The following CPA6 variants were observed in gnomAD, a reference collection of about 807,000 sequenced individuals.
The protein encoded by CPA6 is carboxypeptidase B.
A neutral mutation model predicts 63.3 loss-of-function variants in CPA6; 58 were observed. That is an observed-to-expected ratio of 0.92 (90% CI 0.74 to 1.14). The LOEUF (loss-of-function observed/expected upper bound fraction) is 1.14, where lower values mean the gene tolerates loss of function less well. Among genes scored for constraint, CPA6 ranks in the 50% most tolerant of loss-of-function variants. CPA6 has a pLI of 0.00. For synonymous variants in CPA6, 185 were observed against 179.0 expected (o/e 1.03, Z -0.27); for missense variants, 565 against 526.6 (o/e 1.07, Z -0.71).
Position 67,581,786 on chromosome 8 carries a change from G to T in CPA6, c.192+42390C>A, listed in dbSNP as rs558251789. ...AATGGTCAAAATATTATGCTTTGTT[G>T]TTTGGACATGTGAAGTACAGGAATA... On this transcript the variant is annotated intron_variant, in intron 2 of 10. Transcript: ENST00000297770. Among the ~76,000 whole-genome samples, 6 of 152,264 alleles carry T rather than the reference G, an allele frequency of 3.9e-5. No individual in the cohort carries two copies. The South Asian group carries it at 1.2e-3, about 32-fold the overall frequency.
chr8:67,444,095 C>T (rs942078806), intron 8 of CPA6, among the ~76,000 whole-genome samples: 1 of 151,754 alleles, frequency 6.6e-6, no homozygotes, highest in African/African-American at 2.4e-5. Flanking sequence ...GGGTTCACGC[C>T]ATTCTCCTGC....
At chr8:67,461,868 T>C (rs1160448439) in intron 8 of CPA6, among the ~76,000 whole-genome samples, 1 of 152,158 alleles carries the variant, frequency 6.6e-6, no homozygotes, top group Non-Finnish European at 1.5e-5. Flanking sequence ...TATGGGCCCA[T>C]GAGGCCTCTT....
intron 1 of CPA6, among the ~76,000 whole-genome samples, chr8:67,688,994 T>TATTATTATTATTA (rs201709532): frequency 6.6e-5 from 10 of 151,882 alleles, no homozygotes; most frequent in African/African-American, 2.4e-4. Flanking sequence ...TTATTATTAT[T>TATTATTATTATTA]TTTTAGATGG....
chr8:67,730,317 T>C (rs1472212593), intron 1 of CPA6, among the ~76,000 whole-genome samples: 4 of 152,120 alleles, frequency 2.6e-5, no homozygotes, highest in Admixed American at 6.5e-5. Context: ...AAGATACAGA[T>C]ACAGAGCCAG....
chr8:67,662,601 C>T (rs1816142235), intron 1 of CPA6, among the ~76,000 whole-genome samples: 1 of 147,748 alleles, frequency 6.8e-6, no homozygotes, highest in Non-Finnish European at 1.5e-5. Flanking sequence ...ATATAGAATA[C>T]ATACACACGT....
chr8:67,704,598 T>A (rs921828820), intron 1 of CPA6, among the ~76,000 whole-genome samples: 2 of 152,166 alleles, frequency 1.3e-5, no homozygotes, highest in African/African-American at 4.8e-5. Flanking sequence ...GGGTACCTGG[T>A]AAGACTGGTT....
chr8:67,541,402 T>A (rs1282588380), intron 2 of CPA6, among the ~76,000 whole-genome samples: 2 of 152,102 alleles, frequency 1.3e-5, no homozygotes, highest in Non-Finnish European at 2.9e-5. Context: ...CTGGGCCTGG[T>A]AGTTAAAGAT....
chr8:67,746,136 A>T lies in CPA6; in HGVS notation c.-7T>A. 1 of 1,606,626 alleles carries T rather than the reference A, an allele frequency of 6.2e-7. No individual in the cohort carries two copies. The highest frequency in any genetic ancestry group is 8.5e-7 in the Non-Finnish European group (1 of 1,174,760). ...GCTTCCCGAGACACTTCATAGTGTT[A>T]AGAAGAGAGGAGTTGAAAGTTACTT... On this transcript the variant is annotated 5_prime_UTR_variant, in exon 1 of 11. Coordinates refer to ENST00000297770, the MANE Select transcript of CPA6 (RefSeq NM_020361.5).
At chr8:67,431,228 G>C (rs1404915516) in intron 9 of CPA6, among the ~76,000 whole-genome samples, 1 of 151,764 alleles carries the variant, frequency 6.6e-6, no homozygotes, top group African/African-American at 2.4e-5. Flanking sequence ...AAAATACGAA[G>C]AACATTCTCA....
At chr8:67,442,583 G>T (rs1002576276) in intron 8 of CPA6, among the ~76,000 whole-genome samples, 1 of 152,146 alleles carries the variant, frequency 6.6e-6, no homozygotes, top group Non-Finnish European at 1.5e-5. Context: ...TGGTAGTAAG[G>T]TTCAACATAA....
intron 2 of CPA6, among the ~76,000 whole-genome samples, chr8:67,614,926 T>C (rs1814906328): frequency 6.6e-6 from 1 of 152,140 alleles, no homozygotes; most frequent in Non-Finnish European, 1.5e-5. Context: ...TCTCCAGGGG[T>C]CTTACTTTTA....
intron 2 of CPA6, among the ~76,000 whole-genome samples, chr8:67,611,359 C>T (rs408802): frequency 0.56 from 85,276 of 152,082 alleles, 26,310 homozygotes; most frequent in African/African-American, 0.83. Flanking sequence ...GCTGGGATTA[C>T]AGGTGTGAGG....
chr8:67,733,757 G>T (rs77740402), intron 1 of CPA6, among the ~76,000 whole-genome samples: 1 of 151,634 alleles, frequency 6.6e-6, no homozygotes, highest in East Asian at 1.9e-4. Flanking sequence ...GGAAAGGAGT[G>T]GGGGGCGGTG....
intron 2 of CPA6, among the ~76,000 whole-genome samples, chr8:67,611,041 T>C (rs188235681): frequency 6.6e-6 from 1 of 152,088 alleles, no homozygotes; most frequent in African/African-American, 2.4e-5. Flanking sequence ...AGAAGGATTT[T>C]ATATTATCCC....
chr8:67,471,511 TG>T lies in CPA6; in HGVS notation c.838+12256del, dbSNP rs570298223. Among the ~76,000 whole-genome samples, 10 of 152,300 alleles carry T rather than the reference TG, an allele frequency of 6.6e-5. No homozygotes were observed. The South Asian group carries it at 1.5e-3, about 22-fold the overall frequency. On this transcript the variant is annotated intron_variant, in intron 8 of 10. Coordinates refer to ENST00000297770, the MANE Select transcript of CPA6 (RefSeq NM_020361.5). ...TTAAAAATACTCCTAACATTAGTGTTGTTTTTTTTTGTTTGTTTGTTTTGTT... is the reference window on the plus strand; with the variant it reads ...TTAAAAATACTCCTAACATTAGTGTTTTTTTTTTTGTTTGTTTGTTTTGTT...
At chr8:67,557,791 A>T (rs911211314) in intron 2 of CPA6, among the ~76,000 whole-genome samples, 3 of 152,164 alleles carry the variant, frequency 2.0e-5, no homozygotes, top group African/African-American at 7.2e-5. Flanking sequence ...TAGACACTAA[A>T]CACTAGTTGT....
chr8:67,547,387 G>A lies in CPA6; in HGVS notation c.193-29340C>T, dbSNP rs917691378. Among the ~76,000 whole-genome samples the A allele has an allele frequency of 1.9e-4, 29 of 152,104 alleles. 1 individual carries two copies. Among genetic ancestry groups the A allele is most frequent in the Non-Finnish European group, 2.9e-5 (2 of 68,032 alleles). On this transcript the variant is annotated intron_variant, in intron 2 of 10. Coordinates refer to ENST00000297770, the MANE Select transcript of CPA6 (RefSeq NM_020361.5). ...ATGAACTATACCTGATTCACTCTAAGCATATTCCTGGTACATGGTAGATGC... is the reference window on the plus strand; with the variant it reads ...ATGAACTATACCTGATTCACTCTAAACATATTCCTGGTACATGGTAGATGC...
intron 2 of CPA6, among the ~76,000 whole-genome samples, chr8:67,577,944 T>C (rs1301195104): frequency 6.6e-6 from 1 of 152,176 alleles, no homozygotes. Flanking sequence ...ATTGTTCCCT[T>C]AGAGCAGGAT....
At chr8:67,432,442 C>A (rs937146572) in intron 9 of CPA6, among the ~76,000 whole-genome samples, 7 of 152,000 alleles carry the variant, frequency 4.6e-5, no homozygotes, top group Admixed American at 6.6e-5. Flanking sequence ...TTCCATTTGG[C>A]GATTCCTGAG....
Sources: gnomAD v4.1 joint callset for allele counts (sites outside exome capture counted in the v4.1 genomes callset) on GRCh38, gnomAD v4.1.1 for gene constraint, MANE v1.5 for transcripts, NCBI Gene and HGNC (gene_info 2026-07-23, HGNC 2026-07-21) for gene names.